The following PRTFDC1 variants were observed in gnomAD, a reference collection of about 807,000 sequenced individuals.
PRTFDC1 encodes the protein phosphoribosyl transferase domain containing 1, also known as phosphoribosyltransferase domain-containing protein 1.
PRTFDC1 carries 38 observed loss-of-function variants against 34.6 expected under a neutral mutation model. The ratio of observed to expected loss-of-function variants is 1.10; its 90% CI spans 0.85 to 1.44. The LOEUF is 1.44. Among genes scored for constraint, PRTFDC1 ranks in the 40% most tolerant of loss-of-function variants. The pLI, the probability that PRTFDC1 is intolerant of heterozygous loss-of-function variation, is 0.00. For synonymous variants in PRTFDC1, 93 were observed against 98.1 expected (o/e 0.95, Z 0.31); for missense variants, 270 against 283.0 (o/e 0.95, Z 0.33).
chr10:24,911,864 C>G (rs560010623), intron 3 of PRTFDC1, among the ~76,000 whole-genome samples: 2 of 144,332 alleles, frequency 1.4e-5, no homozygotes, highest in Non-Finnish European at 3.1e-5. Context: ...AAGACTCCAT[C>G]TCAAAAAAAA....
chr10:24,872,159 G>C lies in PRTFDC1; in HGVS notation c.340-96C>G, dbSNP rs1847882038. 1.2e-5 allele frequency: 13 copies of C among 1,074,304 alleles called. No homozygotes were observed. The South Asian group carries it at 1.7e-4, about 14-fold the overall frequency. The allele number at this position is 1,074,304 out of a possible 1,614,324, so 66.5% of individuals were successfully genotyped here. On this transcript the variant is annotated intron_variant, in intron 3 of 8. Coordinates refer to ENST00000320152, the MANE Select transcript of PRTFDC1 (RefSeq NM_020200.7). ...TCTACCCAGTTAGTGGCCGGAATGTGCCTTACAAATATAGCACAAATAGCT... is the reference window on the plus strand; with the variant it reads ...TCTACCCAGTTAGTGGCCGGAATGTCCCTTACAAATATAGCACAAATAGCT...
intron 4 of PRTFDC1, among the ~76,000 whole-genome samples, chr10:24,865,905 G>A (rs1436175961): frequency 6.6e-6 from 1 of 152,086 alleles, no homozygotes; most frequent in Non-Finnish European, 1.5e-5. Flanking sequence ...TTAGCATTTC[G>A]TTTTATGTGA....
chr10:24,892,029 C>T (rs1848270765), intron 3 of PRTFDC1, among the ~76,000 whole-genome samples: 1 of 152,148 alleles, frequency 6.6e-6, no homozygotes, highest in Non-Finnish European at 1.5e-5. Flanking sequence ...TTGATGCACA[C>T]TTAGTTTGGC....
chr10:24,852,890 G>T (rs10828708), intron 7 of PRTFDC1, among the ~76,000 whole-genome samples: 53,580 of 151,928 alleles, frequency 0.35, 10,235 homozygotes, highest in Middle Eastern at 0.48. Context: ...CTCATAGAAA[G>T]TACTGGAGGT....
rs757334740 is a variant in PRTFDC1, at chr10:24,849,909, T to TTAA, written c.631-21_631-19dup. 1 of 1,613,338 alleles carries TTAA rather than the reference T, an allele frequency of 6.2e-7. No homozygotes were observed. The highest frequency in any genetic ancestry group is 1.7e-5 in the Admixed American group (1 of 60,006). ...CATATGTGCTGAAACAATAAAGGAT[T>TTAA]TAAACGCATCAGTTTCTTAACAAAA... On this transcript the variant is annotated intron_variant, in intron 8 of 8. Coordinates refer to ENST00000320152, the MANE Select transcript of PRTFDC1 (RefSeq NM_020200.7).
chr10:24,945,462 T>A (rs1849238315), intron 1 of PRTFDC1, among the ~76,000 whole-genome samples: 1 of 152,228 alleles, frequency 6.6e-6, no homozygotes, highest in Non-Finnish European at 1.5e-5. Flanking sequence ...ATCATCTATG[T>A]TATTTTTTAA....
In PRTFDC1 at chr10:24,952,490, G is replaced by C; in HGVS notation, c.48+38C>G. ...CAAGCAGGGTGCCAGGGAGGGAGGG[G>C]AGCGGGCCGAGCCCCAAAATAGGGA... On this transcript the variant is annotated intron_variant, in intron 1 of 8. Transcript: ENST00000320152. The surrounding 1 kb of genome is among the most constrained non-coding windows in gnomAD (Gnocchi z 5.1). The C allele has an allele frequency of 1.9e-6, 3 of 1,559,426 alleles. No homozygotes were observed. The highest frequency in any genetic ancestry group is 2.6e-6 in the Non-Finnish European group (3 of 1,149,384).
chr10:24,937,408 C>T (rs1849070706), intron 2 of PRTFDC1, 41 bp from the exon 3 acceptor site: 1 of 1,539,102 alleles, frequency 6.5e-7, no homozygotes, highest in Non-Finnish European at 8.9e-7. Flanking sequence ...ACAACTACTT[C>T]TGAGTATTTA....
chr10:24,858,340 C>T, intron 5 of PRTFDC1, 52 bp downstream of exon 5: 1 of 1,581,568 alleles, frequency 6.3e-7, no homozygotes, highest in Non-Finnish European at 8.7e-7. Flanking sequence ...GTTTAAAACT[C>T]ACCATTAGAT....
Position 24,855,302 on chromosome 10 carries a change from A to G in PRTFDC1, c.553+16T>C, listed in dbSNP as rs1165264296. ...AAACAAACAAACAAACAAACAAAAA[A>G]CTGAAAAACACTTACAGTCAGGTCT... On this transcript the variant is annotated intron_variant, in intron 7 of 8. Coordinates refer to ENST00000320152, the MANE Select transcript of PRTFDC1 (RefSeq NM_020200.7). 6.2e-7 allele frequency: 1 copy of G among 1,609,552 alleles called. No homozygotes were observed. Among genetic ancestry groups the G allele is most frequent in the South Asian group, 1.1e-5 (1 of 90,596 alleles).
At chr10:24,871,897 C>G (rs1353422755) in intron 4 of PRTFDC1, 101 bp downstream of exon 4, 1 of 975,682 alleles carries the variant, frequency 1.0e-6, no homozygotes, top group East Asian at 2.6e-5. Context: ...ATTGGAAAAC[C>G]CGGGAGCATG....
At chr10:24,949,634 T>C (rs914718622) in intron 1 of PRTFDC1, among the ~76,000 whole-genome samples, 1 of 152,188 alleles carries the variant, frequency 6.6e-6, no homozygotes, top group South Asian at 2.1e-4. Context: ...CCATTATATG[T>C]GGATTATTTC....
intron 3 of PRTFDC1, among the ~76,000 whole-genome samples, chr10:24,909,028 C>T (rs926744827): frequency 4.6e-5 from 7 of 152,184 alleles, no homozygotes; most frequent in African/African-American, 1.7e-4. Flanking sequence ...GGTGCAGTGG[C>T]TCATGCCAGC....
chr10:24,858,400 T>A lies in PRTFDC1; in HGVS notation c.415A>T (p.Ile139Phe), dbSNP rs1361263834. Residue 139 changes from isoleucine (I) to phenylalanine (F), a missense_variant, in exon 5 of 9, where the codon ATT becomes TTT. Coordinates refer to ENST00000320152, the MANE Select transcript of PRTFDC1 (RefSeq NM_020200.7). Reference protein sequence around the residue: ...LSTLAGKNVLIVEDVVGTGRT... With the variant: ...LSTLAGKNVLFVEDVVGTGRT... Reference sequence around the variant, plus strand: ...AGGAAATGCCAGCTTACCTCAACAATGAGAACATTCTGAAATAAACAAAAC... The same window carrying A: ...AGGAAATGCCAGCTTACCTCAACAAAGAGAACATTCTGAAATAAACAAAAC... 1 of 1,613,344 alleles carries A rather than the reference T, an allele frequency of 6.2e-7. No homozygotes were observed. Among genetic ancestry groups the A allele is most frequent in the South Asian group, 1.1e-5 (1 of 91,046 alleles).
intron 4 of PRTFDC1, among the ~76,000 whole-genome samples, chr10:24,859,768 T>C (rs753127326): frequency 3.9e-5 from 6 of 152,250 alleles, no homozygotes; most frequent in African/African-American, 9.6e-5. Flanking sequence ...TTCCCCACTA[T>C]ATTCTAATCT....
chr10:24,905,344 A>G (rs1848517101), intron 3 of PRTFDC1, among the ~76,000 whole-genome samples: 1 of 95,022 alleles, frequency 1.1e-5, no homozygotes, highest in Non-Finnish European at 2.1e-5. Flanking sequence ...TTTTTTTTTT[A>G]GACAGTCTCA....
chr10:24,945,398 C>T (rs1324696171), intron 1 of PRTFDC1, among the ~76,000 whole-genome samples: 1 of 152,214 alleles, frequency 6.6e-6, no homozygotes, highest in Non-Finnish European at 1.5e-5. Flanking sequence ...GTTCAAGGTT[C>T]TGGAGATTCC....
intron 4 of PRTFDC1, among the ~76,000 whole-genome samples, chr10:24,868,765 C>T (rs1418597342): frequency 1.3e-5 from 2 of 149,526 alleles, no homozygotes; most frequent in Non-Finnish European, 3.0e-5. Context: ...AACAAGTACC[C>T]ACTAACTGTT....
intron 3 of PRTFDC1, among the ~76,000 whole-genome samples, chr10:24,921,604 G>A (rs1026375877): frequency 6.6e-6 from 1 of 151,792 alleles, no homozygotes; most frequent in East Asian, 1.9e-4. Context: ...TGGGCTGTGG[G>A]GGCCCTTGAC....
Sources: gnomAD v4.1 joint callset for allele counts (sites outside exome capture counted in the v4.1 genomes callset) on GRCh38, gnomAD v4.1.1 for gene constraint, Gnocchi (gnomAD v3.1) non-coding constraint, MANE v1.5 for transcripts, NCBI Gene and HGNC (gene_info 2026-07-23, HGNC 2026-07-21) for gene names.